The following BNC2 variants were observed in gnomAD, a reference collection of about 807,000 sequenced individuals.
BNC2 encodes the protein basonuclin zinc finger protein 2.
In BNC2, 20 loss-of-function variants were observed where a neutral mutation model predicts 76.3. The ratio of observed to expected loss-of-function variants is 0.26; its 90% confidence interval spans 0.18 to 0.38. BNC2 has a LOEUF of 0.38. Ranked by LOEUF, BNC2 falls within the 10% of genes least tolerant of loss-of-function variation. The pLI is 1.00. For missense variants in BNC2, 1,382 were observed against 1,399.8 expected (o/e 0.99, Z 0.20); for synonymous variants, 582 against 514.8 (o/e 1.13, Z -1.77).
intron 3 of BNC2, among the ~76,000 whole-genome samples, chr9:16,683,515 A>G (rs1822885245): frequency 6.6e-6 from 1 of 152,176 alleles, no homozygotes; most frequent in Non-Finnish European, 1.5e-5. Context: ...CAAGCAGGAA[A>G]AGGAGATGAC....
chr9:16,483,765 C>T (rs138417557), intron 5 of BNC2, among the ~76,000 whole-genome samples: 2 of 152,098 alleles, frequency 1.3e-5, no homozygotes, highest in East Asian at 3.8e-4. Flanking sequence ...AGGCAAGCTG[C>T]CCTTGTATAA....
intron 1 of BNC2, among the ~76,000 whole-genome samples, chr9:16,850,318 C>T (rs1446341068): frequency 6.6e-6 from 1 of 152,146 alleles, no homozygotes; most frequent in African/African-American, 2.4e-5. Flanking sequence ...TATAAGCATG[C>T]ATGTATGGTA....
At chr9:16,838,657 T>C (rs1241887931) in intron 1 of BNC2, among the ~76,000 whole-genome samples, 2 of 152,206 alleles carry the variant, frequency 1.3e-5, no homozygotes, top group East Asian at 3.9e-4. Context: ...CACTACCACA[T>C]ATGAACTGCA....
intron 3 of BNC2, among the ~76,000 whole-genome samples, chr9:16,721,679 G>C (rs1401255927): frequency 6.6e-6 from 1 of 152,108 alleles, no homozygotes; most frequent in East Asian, 1.9e-4. Context: ...GGAAATCTTG[G>C]AACATTATAT....
chr9:16,430,774 A>G (rs1219300886), intron 6 of BNC2, among the ~76,000 whole-genome samples: 1 of 152,258 alleles, frequency 6.6e-6, no homozygotes, highest in Non-Finnish European at 1.5e-5. Context: ...AGACATCAGC[A>G]GGTTTTAATA....
chr9:16,575,098 C>T (rs1266509685), intron 4 of BNC2: 5 of 203,010 alleles, frequency 2.5e-5, no homozygotes, highest in African/African-American at 1.2e-4. Context: ...CTTAGAAGAA[C>T]ACTATGAGCT....
Position 16,666,760 on chromosome 9 carries a change from A to C in BNC2, c.330+61037T>G, listed in dbSNP as rs147939280. Among the ~76,000 whole-genome samples, 510 of 152,328 alleles carry C rather than the reference A, an allele frequency of 3.3e-3. 5 individuals carry two copies. Among genetic ancestry groups the C allele is most frequent in the Non-Finnish European group, 3.9e-3 (263 of 68,030 alleles). ...TCTGAAATGTAGTCTACACTAATCT[A>C]TACAAAGCCAGATGCACACACGTTT... On this transcript the variant is annotated intron_variant, in intron 3 of 6. Transcript: ENST00000380672.
chr9:16,659,371 G>T (rs7047235), intron 3 of BNC2, among the ~76,000 whole-genome samples: 3 of 151,884 alleles, frequency 2.0e-5, no homozygotes, highest in Admixed American at 2.0e-4. Context: ...GCACTTTGGG[G>T]GGCCGAGGTG....
chr9:16,791,557 T>C (rs1715270261), intron 1 of BNC2, among the ~76,000 whole-genome samples: 1 of 152,214 alleles, frequency 6.6e-6, no homozygotes, highest in Admixed American at 6.5e-5. Flanking sequence ...CAGAGATTGA[T>C]GCCCTTCCCA....
chr9:16,659,852 T>C (rs1822057208), intron 3 of BNC2, among the ~76,000 whole-genome samples: 2 of 152,146 alleles, frequency 1.3e-5, no homozygotes, highest in Non-Finnish European at 2.9e-5. Flanking sequence ...ATAGCCCTTA[T>C]TATACTCCCT....
At chr9:16,653,698 TGG>T (rs1211637016) in intron 3 of BNC2, among the ~76,000 whole-genome samples, 1 of 152,014 alleles carries the variant, frequency 6.6e-6, no homozygotes, top group East Asian at 1.9e-4. Context: ...GTCGGCAGGG[TGG>T]GGAATAGTTG....
chr9:16,584,373 G>T (rs941678883), intron 3 of BNC2, among the ~76,000 whole-genome samples: 5 of 152,152 alleles, frequency 3.3e-5, no homozygotes, highest in African/African-American at 9.7e-5. Context: ...TCCATTCACA[G>T]AGAATAAGAC....
intron 5 of BNC2, among the ~76,000 whole-genome samples, chr9:16,513,680 G>A (rs1278553217): frequency 6.6e-6 from 1 of 152,168 alleles, no homozygotes; most frequent in Non-Finnish European, 1.5e-5. Context: ...AAGAAAACTA[G>A]ACTCTTCTTT....
intron 1 of BNC2, among the ~76,000 whole-genome samples, chr9:16,832,926 A>G (rs1457089032): frequency 2.6e-5 from 4 of 151,958 alleles, no homozygotes; most frequent in Non-Finnish European, 5.9e-5. Flanking sequence ...AGGTTTCACC[A>G]TGTTGGCCAG....
chr9:16,616,234 A>C (rs972375613), intron 3 of BNC2, among the ~76,000 whole-genome samples: 3 of 151,994 alleles, frequency 2.0e-5, no homozygotes, highest in Non-Finnish European at 4.4e-5. Context: ...ATAATAAAAA[A>C]TAAATAAATT....
intron 4 of BNC2, among the ~76,000 whole-genome samples, chr9:16,572,712 C>A (rs1220714891): frequency 6.6e-6 from 1 of 151,962 alleles, no homozygotes; most frequent in Non-Finnish European, 1.5e-5. Flanking sequence ...ATGAACAAGG[C>A]ACAGGAAAAA....
chr9:16,807,393 G>A (rs1488614125), intron 1 of BNC2, among the ~76,000 whole-genome samples: 1 of 152,048 alleles, frequency 6.6e-6, no homozygotes, highest in Non-Finnish European at 1.5e-5. Flanking sequence ...ATCTTCCCAT[G>A]ATCACAAAAA....
chr9:16,739,479 G>A (rs1168689161), intron 1 of BNC2, among the ~76,000 whole-genome samples: 1 of 152,188 alleles, frequency 6.6e-6, no homozygotes, highest in African/African-American at 2.4e-5. Flanking sequence ...GACCATCCTG[G>A]CCAAAATGGT....
intron 5 of BNC2, among the ~76,000 whole-genome samples, chr9:16,515,743 C>T (rs2382801): frequency 6.8e-6 from 1 of 147,256 alleles, no homozygotes; most frequent in Non-Finnish European, 1.5e-5. Flanking sequence ...TTAAAAAAAA[C>T]CTCTGAAAAA....
Sources: gnomAD v4.1 joint callset for allele counts (sites outside exome capture counted in the v4.1 genomes callset) on GRCh38, gnomAD v4.1.1 for gene constraint, MANE v1.5 for transcripts, NCBI Gene and HGNC (gene_info 2026-07-23, HGNC 2026-07-21) for gene names.